FHIT: variants seen among roughly 807,000 people sequenced by gnomAD.
FHIT encodes the protein bis(5'-adenosyl)-triphosphatase.
In FHIT, 19 loss-of-function variants were observed where a neutral mutation model predicts 17.9. The observed-to-expected ratio is 1.06, with a 90% CI of 0.74 to 1.56. FHIT has a LOEUF of 1.56. Ranked by LOEUF, FHIT falls within the 40% of genes most tolerant of loss-of-function variation. The probability of loss-of-function intolerance (pLI) is 0.00; values close to 1 mark genes in which losing one functional copy is unlikely to be tolerated. For synonymous variants in FHIT, 81 were observed against 69.7 expected, an observed-to-expected ratio of 1.16 and a Z score of -0.81; for missense variants, 248 against 189.2, an observed-to-expected ratio of 1.31 and a Z score of -1.82.
chr3:59,827,931 A>T (rs1701032637), intron 8 of FHIT, among the ~76,000 whole-genome samples: 1 of 152,220 alleles, frequency 6.6e-6, no homozygotes, highest in Non-Finnish European at 1.5e-5. Flanking sequence ...TTGACATTTG[A>T]TCATAAATTG....
At chr3:60,627,935 C>T (rs781811146) in intron 4 of FHIT, among the ~76,000 whole-genome samples, 4 of 152,142 alleles carry the variant, frequency 2.6e-5, no homozygotes, top group Non-Finnish European at 4.4e-5. Context: ...ACTCTGGTTA[C>T]ATTGATTCTA....
intron 4 of FHIT, among the ~76,000 whole-genome samples, chr3:60,821,661 A>G (rs1701934919): frequency 6.6e-6 from 1 of 152,182 alleles, no homozygotes; most frequent in South Asian, 2.1e-4. Flanking sequence ...AAAGAAGGGG[A>G]ATGCTTTCTT....
intron 5 of FHIT, among the ~76,000 whole-genome samples, chr3:60,408,088 T>C (rs994505842): frequency 1.3e-5 from 2 of 152,178 alleles, no homozygotes; most frequent in African/African-American, 4.8e-5. Flanking sequence ...GCACTCACCA[T>C]GTAACTTTTG....
chr3:59,826,174 G>T (rs1400249465), intron 8 of FHIT, among the ~76,000 whole-genome samples: 4 of 152,134 alleles, frequency 2.6e-5, no homozygotes, highest in African/African-American at 9.7e-5. Context: ...CCGGAGTGCA[G>T]TGGTGCAGTC....
chr3:60,857,171 C>T (rs1357003842), intron 3 of FHIT, among the ~76,000 whole-genome samples: 1 of 152,094 alleles, frequency 6.6e-6, no homozygotes, highest in East Asian at 1.9e-4. Flanking sequence ...TGGATGCCAT[C>T]TTGGGAGGGG....
chr3:61,024,160 T>C (rs1217439636), intron 3 of FHIT, among the ~76,000 whole-genome samples: 1 of 152,118 alleles, frequency 6.6e-6, no homozygotes, highest in Non-Finnish European at 1.5e-5. Context: ...TACCCAAGAA[T>C]ATAACTTCGC....
intron 5 of FHIT, among the ~76,000 whole-genome samples, chr3:60,032,365 C>A (rs1161331684): frequency 6.6e-6 from 1 of 151,894 alleles, no homozygotes; most frequent in Non-Finnish European, 1.5e-5. Context: ...GATGGGAGGA[C>A]TGCTTGAGCC....
At chr3:60,997,676 C>A (rs1333253756) in intron 3 of FHIT, among the ~76,000 whole-genome samples, 4 of 152,160 alleles carry the variant, frequency 2.6e-5, no homozygotes, top group Non-Finnish European at 5.9e-5. Context: ...AACTAGCAGT[C>A]AGAAAGCCTG....
At chr3:60,303,511 C>A (rs1708532828) in intron 5 of FHIT, among the ~76,000 whole-genome samples, 1 of 152,158 alleles carries the variant, frequency 6.6e-6, no homozygotes, top group Non-Finnish European at 1.5e-5. Flanking sequence ...CGTTGCTGGA[C>A]CCATGGAAGA....
intron 4 of FHIT, among the ~76,000 whole-genome samples, chr3:60,659,968 T>G (rs899005810): frequency 1.6e-4 from 24 of 152,310 alleles, no homozygotes; most frequent in African/African-American, 5.3e-4. Context: ...GTTGTCTCTG[T>G]GCTGAGGATA....
intron 3 of FHIT, among the ~76,000 whole-genome samples, chr3:60,947,767 C>T (rs782231407): frequency 7.9e-5 from 12 of 152,292 alleles, no homozygotes; most frequent in East Asian, 3.9e-4. Flanking sequence ...CAATGCCAGT[C>T]TGGGACCCAA....
intron 3 of FHIT, among the ~76,000 whole-genome samples, chr3:60,986,269 A>G (rs189880827): frequency 3.0e-4 from 45 of 152,304 alleles, no homozygotes; most frequent in Non-Finnish European, 4.9e-4. Flanking sequence ...CCAATGAATT[A>G]CTATCACTAT....
chr3:60,289,230 C>T (rs1707868404), intron 5 of FHIT, among the ~76,000 whole-genome samples: 1 of 152,146 alleles, frequency 6.6e-6, no homozygotes, highest in South Asian at 2.1e-4. Context: ...AACATCTGTT[C>T]TCCATGGTTC....
chr3:60,902,490 T>A (rs1274350268), intron 3 of FHIT, among the ~76,000 whole-genome samples: 1 of 152,216 alleles, frequency 6.6e-6, no homozygotes, highest in Non-Finnish European at 1.5e-5. Flanking sequence ...GAGATGCCCA[T>A]AGCCAGGCCT....
chr3:60,644,595 A>G (rs1431373700), intron 4 of FHIT, among the ~76,000 whole-genome samples: 1 of 152,144 alleles, frequency 6.6e-6, no homozygotes, highest in Non-Finnish European at 1.5e-5. Context: ...ACAACATTTT[A>G]CTCTCCTTGC....
intron 5 of FHIT, among the ~76,000 whole-genome samples, chr3:60,449,154 A>G (rs1406525875): frequency 1.3e-5 from 2 of 152,164 alleles, no homozygotes; most frequent in Non-Finnish European, 2.9e-5. Flanking sequence ...TGAGAGGGAA[A>G]AACTCGCTTT....
chr3:60,222,723 T>G (rs1297198054), intron 5 of FHIT, among the ~76,000 whole-genome samples: 2 of 152,122 alleles, frequency 1.3e-5, no homozygotes, highest in Admixed American at 6.5e-5. Context: ...TGCTGATGGT[T>G]TGACTAAAGG....
chr3:61,234,947 T>C (rs985778057), intron 1 of FHIT, among the ~76,000 whole-genome samples: 2 of 152,264 alleles, frequency 1.3e-5, no homozygotes, highest in East Asian at 1.9e-4. Flanking sequence ...ACATTTTCTT[T>C]AATTCCATAA....
At chr3:59,985,421 A>T (rs1482040384) in intron 7 of FHIT, among the ~76,000 whole-genome samples, 8 of 152,188 alleles carry the variant, frequency 5.3e-5, no homozygotes, top group African/African-American at 1.9e-4. Context: ...ACACTTGTAT[A>T]GAAAGTAACA....
Sources: gnomAD v4.1 joint callset for allele counts (sites outside exome capture counted in the v4.1 genomes callset) on GRCh38, gnomAD v4.1.1 for gene constraint, MANE v1.5 for transcripts, NCBI Gene and HGNC (gene_info 2026-07-23, HGNC 2026-07-21) for gene names.